STAG1: variants seen among roughly 807,000 people sequenced by gnomAD.
The protein encoded by STAG1 is cohesin subunit SA-1.
STAG1 carries 26 observed loss-of-function variants against 170.9 expected under a neutral mutation model. The ratio of observed to expected loss-of-function variants is 0.15; its 90% CI spans 0.11 to 0.21. STAG1 has a LOEUF of 0.21. Ranked by LOEUF, STAG1 falls within the 10% of genes least tolerant of loss-of-function variation. The probability of loss-of-function intolerance (pLI) is 1.00; values close to 1 mark genes in which losing one functional copy is unlikely to be tolerated. For synonymous variants in STAG1, 514 were observed against 497.7 expected, an observed-to-expected ratio of 1.03 and a Z score of -0.44; for missense variants, 964 against 1,509.5, an observed-to-expected ratio of 0.64 and a Z score of 5.99.
intron 14 of STAG1, among the ~76,000 whole-genome samples, chr3:136,451,767 GA>G (rs1294376245): frequency 0.011 from 1,312 of 122,986 alleles, 18 homozygotes; most frequent in African/African-American, 0.033. Flanking sequence ...TGTCTCAAAA[GA>G]AAAAAAAAAA....
In STAG1 at chr3:136,565,589, A is replaced by G. The variant is rs145073903; in HGVS notation, c.394+3176T>C. Among the ~76,000 whole-genome samples the G allele has an allele frequency of 9.8e-4, 149 of 152,346 alleles. 1 individual carries two copies. Among genetic ancestry groups the G allele is most frequent in the African/African-American group, 3.5e-3 (146 of 41,580 alleles). On this transcript the variant is annotated intron_variant, in intron 5 of 33. Transcript: ENST00000383202. ...CATACATTTCTGGTGGGAATATAAG[A>G]TGGTGCAGCCACTGTGGAAAACAGT...
At chr3:136,419,015 T>C (rs906647694) in intron 20 of STAG1, among the ~76,000 whole-genome samples, 1 of 152,164 alleles carries the variant, frequency 6.6e-6, no homozygotes, top group Non-Finnish European at 1.5e-5. Flanking sequence ...TAAAAGAGAT[T>C]TGTATTTTCA....
chr3:136,362,072 C>G (rs1297108586), intron 26 of STAG1, among the ~76,000 whole-genome samples: 1 of 152,026 alleles, frequency 6.6e-6, no homozygotes, highest in East Asian at 1.9e-4. Flanking sequence ...TGTCTTGCCT[C>G]AGCCTCCTGA....
At chr3:136,695,731 C>G (rs548464516) in intron 1 of STAG1, among the ~76,000 whole-genome samples, 75 of 151,664 alleles carry the variant, frequency 4.9e-4, no homozygotes, top group Non-Finnish European at 3.2e-4. Flanking sequence ...AAAGATCCCT[C>G]AAAAATTAAA....
At chr3:136,716,554 G>A (rs976613305) in intron 1 of STAG1, among the ~76,000 whole-genome samples, 1 of 152,226 alleles carries the variant, frequency 6.6e-6, no homozygotes, top group African/African-American at 2.4e-5. Context: ...GCTGAGGCAG[G>A]AGGAGCTCTT....
At chr3:136,711,623 A>G (rs1943384851) in intron 1 of STAG1, among the ~76,000 whole-genome samples, 1 of 152,214 alleles carries the variant, frequency 6.6e-6, no homozygotes, top group Non-Finnish European at 1.5e-5. Flanking sequence ...TAAGCTCAAT[A>G]AATGAGGCAG....
chr3:136,352,965 A>G (rs1174262710), intron 28 of STAG1, among the ~76,000 whole-genome samples: 1 of 152,228 alleles, frequency 6.6e-6, no homozygotes, highest in Non-Finnish European at 1.5e-5. Flanking sequence ...AAAGAAAATC[A>G]TATCTAATTA....
intron 10 of STAG1, among the ~76,000 whole-genome samples, chr3:136,475,114 CT>C (rs2089715010): frequency 7.0e-6 from 1 of 142,176 alleles, no homozygotes; most frequent in Non-Finnish European, 1.5e-5. Flanking sequence ...CTTTGTCATA[CT>C]TTCCTCACTT....
intron 4 of STAG1, among the ~76,000 whole-genome samples, chr3:136,601,441 T>C (rs1302075213): frequency 2.0e-5 from 3 of 152,122 alleles, no homozygotes; most frequent in Non-Finnish European, 2.9e-5. Context: ...AGTTGAAAGG[T>C]GGGTTAACAC....
chr3:136,726,493 G>A (rs1284433248), intron 1 of STAG1, among the ~76,000 whole-genome samples: 1 of 152,128 alleles, frequency 6.6e-6, no homozygotes, highest in Non-Finnish European at 1.5e-5. Flanking sequence ...GCACAATCTC[G>A]GCTCACTGCA....
At chr3:136,510,156 GT>G (rs1933975805) in intron 7 of STAG1, among the ~76,000 whole-genome samples, 1 of 152,146 alleles carries the variant, frequency 6.6e-6, no homozygotes, top group Non-Finnish European at 1.5e-5. Flanking sequence ...GCTTGGCTCT[GT>G]GTCTCCACCC....
intron 23 of STAG1, among the ~76,000 whole-genome samples, chr3:136,373,560 G>A (rs1364984418): frequency 7.2e-5 from 11 of 151,864 alleles, no homozygotes; most frequent in African/African-American, 1.9e-4. Flanking sequence ...CTTTGTTCTC[G>A]TTGGTTTCAA....
At chr3:136,748,398 A>T (rs113118903) in intron 1 of STAG1, among the ~76,000 whole-genome samples, 88 of 146,486 alleles carry the variant, frequency 6.0e-4, no homozygotes, top group South Asian at 2.4e-3. Flanking sequence ...AAAATAATAA[A>T]TTTTTTTTTT....
In STAG1 at chr3:136,716,620, G is replaced by A. The variant is rs117589196; in HGVS notation, c.-84+35575C>T. On this transcript the variant is annotated intron_variant, in intron 1 of 33. Transcript: ENST00000383202. The stretch of plus-strand genomic sequence containing the variant: ...ATGATGGCACCAATGCACTTCAGCC[G>A]GGACAACTAAAGTGAGACCCTGTCT... Among the ~76,000 whole-genome samples, 294 of 152,270 alleles carry A rather than the reference G, an allele frequency of 1.9e-3. 8 individuals are homozygous for A. The East Asian group carries it at 0.048, about 25-fold the overall frequency.
chr3:136,417,298 A>G (rs2087803653), intron 21 of STAG1, among the ~76,000 whole-genome samples: 1 of 152,222 alleles, frequency 6.6e-6, no homozygotes, highest in African/African-American at 2.4e-5. Flanking sequence ...GATGGAGATG[A>G]TATTTTGGTC....
intron 7 of STAG1, among the ~76,000 whole-genome samples, chr3:136,518,707 T>C (rs1271005370): frequency 6.6e-6 from 1 of 152,174 alleles, no homozygotes; most frequent in Non-Finnish European, 1.5e-5. Context: ...TGAAAAGTTT[T>C]ATCCTTTGAA....
intron 1 of STAG1, among the ~76,000 whole-genome samples, chr3:136,692,171 G>A (rs145001926): frequency 7.7e-4 from 116 of 151,186 alleles, no homozygotes; most frequent in African/African-American, 2.6e-3. Flanking sequence ...AAAATTAGCC[G>A]GGCATGATGG....
chr3:136,553,684 G>T (rs1412960932), intron 5 of STAG1, among the ~76,000 whole-genome samples: 1 of 152,216 alleles, frequency 6.6e-6, no homozygotes, highest in Non-Finnish European at 1.5e-5. Flanking sequence ...TGAGGCAGGG[G>T]AATCGCTTGA....
chr3:136,410,324 C>T (rs1457939452), intron 21 of STAG1, among the ~76,000 whole-genome samples: 1 of 151,660 alleles, frequency 6.6e-6, no homozygotes, highest in South Asian at 2.1e-4. Context: ...TGCCTGAACC[C>T]GGGAAGTGGA....
Sources: allele counts gnomAD v4.1 joint callset (sites outside exome capture counted in the v4.1 genomes callset), GRCh38; gene constraint gnomAD v4.1.1; transcripts MANE v1.5; gene names NCBI Gene and HGNC (gene_info 2026-07-23, HGNC 2026-07-21).